MCTP1: variants seen among roughly 807,000 people sequenced by gnomAD.
MCTP1 encodes multiple C2 and transmembrane domain containing 1, also known as multiple C2 and transmembrane domain-containing protein 1.
In MCTP1, 69 loss-of-function variants were observed where a neutral mutation model predicts 120.6. The ratio of observed to expected loss-of-function variants is 0.57; its 90% CI spans 0.47 to 0.70. The LOEUF is 0.70. Among genes scored for constraint, MCTP1 ranks in the 30% least tolerant of loss-of-function variants. The pLI is 0.00. For missense variants in MCTP1, 1,203 were observed against 1,248.8 expected, an observed-to-expected ratio of 0.96 and a Z score of 0.55; for synonymous variants, 529 against 493.1, an observed-to-expected ratio of 1.07 and a Z score of -0.96.
At chr5:95,227,764 T>C (rs1043695244) in intron 1 of MCTP1, among the ~76,000 whole-genome samples, 8 of 152,194 alleles carry the variant, frequency 5.3e-5, no homozygotes, top group African/African-American at 1.9e-4. Context: ...GGTCATTACC[T>C]TATATTAACA....
chr5:95,111,968 C>T (rs1308416798), intron 1 of MCTP1, among the ~76,000 whole-genome samples: 1 of 152,146 alleles, frequency 6.6e-6, no homozygotes, highest in African/African-American at 2.4e-5. Flanking sequence ...AGCAAACATA[C>T]ACATCTAACT....
At chr5:95,051,037 T>C (rs1745771544) in intron 1 of MCTP1, among the ~76,000 whole-genome samples, 1 of 152,072 alleles carries the variant, frequency 6.6e-6, no homozygotes, top group Non-Finnish European at 1.5e-5. Flanking sequence ...AGAAGGAGCA[T>C]AGCCCTGCAG....
chr5:94,867,276 G>A (rs1346294178), intron 17 of MCTP1: 6 of 1,527,510 alleles, frequency 3.9e-6, no homozygotes, highest in Non-Finnish European at 5.3e-6. Flanking sequence ...ACAACAACAC[G>A]TCTATGGGAA....
chr5:94,805,988 A>G (rs186753212), intron 17 of MCTP1, among the ~76,000 whole-genome samples: 56 of 151,812 alleles, frequency 3.7e-4, no homozygotes, highest in South Asian at 6.3e-4. Flanking sequence ...TTCCTCTAGG[A>G]TAACTACTCT....
chr5:95,046,046 C>T (rs1423783822), intron 1 of MCTP1, among the ~76,000 whole-genome samples: 4 of 152,130 alleles, frequency 2.6e-5, no homozygotes, highest in Non-Finnish European at 5.9e-5. Context: ...CAAGGACTTA[C>T]TATAACACTA....
intron 8 of MCTP1, among the ~76,000 whole-genome samples, chr5:94,914,295 C>T (rs1809515384): frequency 6.6e-6 from 1 of 152,192 alleles, no homozygotes; most frequent in Admixed American, 6.5e-5. Context: ...ATTAGCACTA[C>T]TTTCTATCTG....
intron 1 of MCTP1, among the ~76,000 whole-genome samples, chr5:95,262,313 C>T (rs1322045363): frequency 1.3e-5 from 2 of 152,138 alleles, no homozygotes; most frequent in African/African-American, 4.8e-5. Flanking sequence ...TCATTTCAAG[C>T]GTGAAATGGC....
At chr5:94,829,370 C>T (rs1331779350) in intron 17 of MCTP1, among the ~76,000 whole-genome samples, 1 of 152,182 alleles carries the variant, frequency 6.6e-6, no homozygotes, top group Admixed American at 6.5e-5. Flanking sequence ...CTGCCTTCTG[C>T]GTTGGTCTCG....
At chr5:94,755,737 C>T (rs1292218812) in intron 19 of MCTP1, among the ~76,000 whole-genome samples, 2 of 152,190 alleles carry the variant, frequency 1.3e-5, no homozygotes, top group Non-Finnish European at 2.9e-5. Context: ...TAAATAGATG[C>T]ATTCTCCACA....
At chr5:95,212,630 C>A (rs1383964868) in intron 1 of MCTP1, among the ~76,000 whole-genome samples, 104 of 151,836 alleles carry the variant, frequency 6.8e-4, no homozygotes, top group African/African-American at 2.3e-3. Context: ...TACTGGCAAA[C>A]CGAATCCAGC....
chr5:95,077,708 G>A (rs1337514057), intron 1 of MCTP1, among the ~76,000 whole-genome samples: 3 of 152,056 alleles, frequency 2.0e-5, no homozygotes, highest in African/African-American at 7.2e-5. Flanking sequence ...TCCTGACCTC[G>A]TGATCCGCCC....
intron 13 of MCTP1, among the ~76,000 whole-genome samples, chr5:94,872,628 C>A (rs1411184821): frequency 1.3e-5 from 2 of 151,708 alleles, no homozygotes; most frequent in African/African-American, 4.9e-5. Flanking sequence ...AAAAGGTTTA[C>A]AAACTTTCTA....
At chr5:94,824,777 T>C (rs935932163) in intron 17 of MCTP1, among the ~76,000 whole-genome samples, 5 of 152,218 alleles carry the variant, frequency 3.3e-5, no homozygotes, top group African/African-American at 9.6e-5. Context: ...AGGGTGTATG[T>C]GTCCAGGAAT....
chr5:94,939,582 A>G (rs1029928439), intron 5 of MCTP1, among the ~76,000 whole-genome samples: 1 of 152,014 alleles, frequency 6.6e-6, no homozygotes, highest in Non-Finnish European at 1.5e-5. Context: ...GTGCTGAAAA[A>G]TGGGTAATAT....
chr5:94,740,834 T>G (rs1445788867), intron 19 of MCTP1, among the ~76,000 whole-genome samples: 1 of 152,140 alleles, frequency 6.6e-6, no homozygotes, highest in African/African-American at 2.4e-5. Context: ...GAATCCTGAC[T>G]CTATTAACTT....
intron 1 of MCTP1, among the ~76,000 whole-genome samples, chr5:95,105,985 ACCAAAGATC>A (rs764196262): frequency 2.0e-5 from 3 of 152,184 alleles, no homozygotes; most frequent in Non-Finnish European, 1.5e-5. Flanking sequence ...GTCTACCAGG[ACCAAAGATC>A]CCAAGGAAAG....
intron 1 of MCTP1, among the ~76,000 whole-genome samples, chr5:95,076,013 A>G (rs1753455833): frequency 6.6e-6 from 1 of 152,232 alleles, no homozygotes; most frequent in East Asian, 1.9e-4. Context: ...CTCAGGAAAT[A>G]TGTTAGAACA....
chr5:95,221,586 G>C (rs551596287), intron 1 of MCTP1, among the ~76,000 whole-genome samples: 1 of 152,290 alleles, frequency 6.6e-6, no homozygotes, highest in African/African-American at 2.4e-5. Flanking sequence ...CCACTACCAT[G>C]CTTCTCTCTT....
intron 10 of MCTP1, 55 bp downstream of exon 10, chr5:94,909,196 A>G: frequency 6.4e-7 from 1 of 1,572,584 alleles, no homozygotes; most frequent in South Asian, 1.2e-5. Flanking sequence ...TACAGCAAAT[A>G]TTCTTTTAAT....
Sources: allele counts gnomAD v4.1 joint callset (sites outside exome capture counted in the v4.1 genomes callset), GRCh38; gene constraint gnomAD v4.1.1; transcripts MANE v1.5; gene names NCBI Gene and HGNC (gene_info 2026-07-23, HGNC 2026-07-21).